MICAL3: variants seen among roughly 807,000 people sequenced by gnomAD.
MICAL3 encodes the protein [F-actin]-monooxygenase MICAL3.
Under a neutral mutation model 207.4 loss-of-function variants are expected in MICAL3, and 62 were observed. That is an observed-to-expected ratio of 0.30 (90% CI 0.24 to 0.37). The LOEUF (loss-of-function observed/expected upper bound fraction) is 0.37, where lower values mean the gene tolerates loss of function less well. Among genes scored for constraint, MICAL3 ranks in the 10% least tolerant of loss-of-function variants. MICAL3 has a pLI of 1.00. For synonymous variants in MICAL3, 1,077 were observed against 1,069.3 expected (o/e 1.01, Z -0.14); for missense variants, 2,368 against 2,635.6 (o/e 0.90, Z 2.22).
chr22:17,857,383 T>C lies in MICAL3; in HGVS notation c.2605+7516A>G, dbSNP rs572050061. Among the ~76,000 whole-genome samples the C allele has an allele frequency of 7.2e-5, 11 of 152,272 alleles. No individual in the cohort carries two copies. The South Asian group carries it at 2.1e-3, about 29-fold the overall frequency. ...TGAGAATCCAACTAAGGCCTGATGA[T>C]CTGAGGTGGAAGAGTTTCATCCCAA... On this transcript the variant is annotated intron_variant, in intron 19 of 31. Coordinates refer to ENST00000441493, the MANE Select transcript of MICAL3 (RefSeq NM_015241.3).
At chr22:17,856,680 GGC>G (rs1925939507) in intron 19 of MICAL3, among the ~76,000 whole-genome samples, 1 of 143,926 alleles carries the variant, frequency 6.9e-6, no homozygotes, top group Non-Finnish European at 1.5e-5. Flanking sequence ...GGACTGCAGT[GGC>G]GCAATCTCGG....
chr22:17,939,128 G>A (rs911422192), intron 1 of MICAL3, among the ~76,000 whole-genome samples: 2 of 152,096 alleles, frequency 1.3e-5, no homozygotes, highest in African/African-American at 4.8e-5. Context: ...AGGAGAAAGT[G>A]ACTTAAGTTG....
rs140976244 is a variant in MICAL3, at chr22:17,892,382, A to G, written c.1547-750T>C. Among the ~76,000 whole-genome samples the G allele has an allele frequency of 4.7e-3, 719 of 152,348 alleles. 6 individuals carry two copies. The highest frequency in any genetic ancestry group is 0.016 in the African/African-American group (675 of 41,576). The stretch of plus-strand genomic sequence containing the variant: ...AGCTCTGATATCGGCCATTCAAAAG[A>G]ATCTATGAACTATTTATATCCAAGA... On this transcript the variant is annotated intron_variant, in intron 11 of 31. Transcript: ENST00000441493.
At chr22:17,942,198 G>C (rs1158076904) in intron 1 of MICAL3, among the ~76,000 whole-genome samples, 1 of 152,212 alleles carries the variant, frequency 6.6e-6, no homozygotes, top group Non-Finnish European at 1.5e-5. Context: ...TTGTATGCTT[G>C]CAGGGAGGCA....
chr22:17,886,343 G>GA (rs1213892049), intron 15 of MICAL3, among the ~76,000 whole-genome samples: 1 of 152,222 alleles, frequency 6.6e-6, no homozygotes, highest in Admixed American at 6.5e-5. Flanking sequence ...GTGTGCTCTG[G>GA]AAAATTAAAC....
rs78785313 is a variant in MICAL3, at chr22:17,866,225, G to T, written c.2429-213C>A. Among the ~76,000 whole-genome samples the T allele has an allele frequency of 3.3e-4, 50 of 152,322 alleles. 1 individual carries two copies. The East Asian group carries it at 8.5e-3, about 26-fold the overall frequency. Reference sequence around the variant, plus strand: ...TCTCCTCTCCCTTGGCCTGAAGGGGGTCTTTTCCTTTGGGAATGTGAAGGC... The same window carrying T: ...TCTCCTCTCCCTTGGCCTGAAGGGGTTCTTTTCCTTTGGGAATGTGAAGGC... On this transcript the variant is annotated intron_variant, in intron 17 of 31. Transcript: ENST00000441493.
chr22:18,015,835 T>C (rs978698116), intron 1 of MICAL3, among the ~76,000 whole-genome samples: 2 of 152,328 alleles, frequency 1.3e-5, no homozygotes, highest in African/African-American at 4.8e-5. Flanking sequence ...ACATGCCTCT[T>C]GATTTAGGCT....
intron 22 of MICAL3, 110 bp downstream of exon 22, chr22:17,827,534 G>C (rs544621807): frequency 8.1e-7 from 1 of 1,232,172 alleles, no homozygotes; most frequent in Non-Finnish European, 1.1e-6. Flanking sequence ...TGGCTCCCGT[G>C]TGTGACCTCA....
At chr22:17,834,405 A>G (rs1923138461) in intron 20 of MICAL3, 2 of 1,283,988 alleles carry the variant, frequency 1.6e-6, no homozygotes, top group African/African-American at 1.5e-5. Context: ...AGGGAACACA[A>G]AGGTGACACA....
intron 1 of MICAL3, among the ~76,000 whole-genome samples, chr22:17,984,072 C>T: frequency 6.6e-6 from 1 of 152,146 alleles, no homozygotes; most frequent in East Asian, 1.9e-4. Context: ...CCAAAAAATC[C>T]AAACCCTCAC....
At chr22:17,890,014 C>T (rs1351189186) in intron 12 of MICAL3, among the ~76,000 whole-genome samples, 1 of 152,166 alleles carries the variant, frequency 6.6e-6, no homozygotes, top group Non-Finnish European at 1.5e-5. Flanking sequence ...TCTTAGCCTT[C>T]TCCTGGAGGG....
Position 17,797,270 on chromosome 22 carries a change from G to A in MICAL3, c.5651-5969C>T, listed in dbSNP as rs2061886401. ...TGATCCCAGCACTTTGGGAGGTGAG[G>A]GTGAGATGACTGCTGAACCCAGGAG... is the stretch of plus-strand genomic sequence containing the variant. On this transcript the variant is annotated intron_variant, in intron 29 of 31. Transcript: ENST00000441493. 2.0e-5 allele frequency among the ~76,000 whole-genome samples: 3 copies of A among 152,286 alleles called. No individual in the cohort carries two copies. The South Asian group carries it at 6.2e-4, about 32-fold the overall frequency.
chr22:17,813,125 A>C lies in MICAL3; in HGVS notation c.5446-2312T>G, dbSNP rs560823087. On this transcript the variant is annotated intron_variant, in intron 27 of 31. Coordinates refer to ENST00000441493, the MANE Select transcript of MICAL3 (RefSeq NM_015241.3). ...CAGCTGCCATTTCTTGATTGTGCCC[A>C]GTAAAGGGAATTGAACTACCATCAG... is the stretch of plus-strand genomic sequence containing the variant. 7 of 152,312 alleles carry C rather than the reference A, an allele frequency of 4.6e-5. No homozygotes were observed. In the South Asian group the frequency reaches 1.4e-3, roughly 32 times the overall value. The allele number at this position is 152,312 out of a possible 1,614,324, so 9.4% of individuals were successfully genotyped here. A position where few individuals can be genotyped will look rare whatever the true frequency, so the allele number is the denominator to read the frequency against.
chr22:17,901,192 CAA>C (rs1931290297), intron 5 of MICAL3, among the ~76,000 whole-genome samples, 195 bp from the exon 6 acceptor site: 1 of 152,144 alleles, frequency 6.6e-6, no homozygotes, highest in South Asian at 2.1e-4. Context: ...GGGAAGAAGT[CAA>C]AGTCTCCATT....
intron 1 of MICAL3, among the ~76,000 whole-genome samples, chr22:17,970,385 C>T (rs1935352421): frequency 2.0e-5 from 3 of 152,172 alleles, no homozygotes; most frequent in Admixed American, 1.3e-4. Flanking sequence ...AGCGGCTGAC[C>T]AGCTGCAGGG....
intron 1 of MICAL3, among the ~76,000 whole-genome samples, chr22:17,992,318 G>A (rs961237017): frequency 4.0e-5 from 6 of 149,842 alleles, no homozygotes; most frequent in African/African-American, 1.5e-4. Context: ...AGCAGACACA[G>A]GGGGTAGGCA....
At chr22:17,984,335 C>T (rs1936056830) in intron 1 of MICAL3, among the ~76,000 whole-genome samples, 1 of 152,248 alleles carries the variant, frequency 6.6e-6, no homozygotes, top group East Asian at 1.9e-4. Flanking sequence ...CAACACTGCG[C>T]TCGACACATA....
In MICAL3 at chr22:17,818,650, G is replaced by A. The variant is rs766921230; in HGVS notation, c.4011C>T (p.Ser1337=). ...FWMKSAEIRR[S]LGLTPVDRSK... ...TGCGGTCCACAGGTGTGAGCCCGAGGCTGCGGCGGATCTCCGCACTCTTCA... is the reference window on the plus strand; with the variant it reads ...TGCGGTCCACAGGTGTGAGCCCGAGACTGCGGCGGATCTCCGCACTCTTCA... Residue 1337 remains serine (S), a synonymous_variant, in exon 26 of 32, where the codon AGC becomes AGT. Transcript: ENST00000441493. 1 of 1,613,660 alleles carries A rather than the reference G, an allele frequency of 6.2e-7. No homozygotes were observed. The highest frequency in any genetic ancestry group is 1.3e-5 in the African/African-American group (1 of 75,072).
At chr22:17,914,352 G>T (rs1416704082) in intron 1 of MICAL3, among the ~76,000 whole-genome samples, 2 of 152,138 alleles carry the variant, frequency 1.3e-5, no homozygotes, top group Non-Finnish European at 1.5e-5. Flanking sequence ...AAGATACTGA[G>T]TCGTTACTAC....
Sources: gnomAD v4.1 joint callset for allele counts (sites outside exome capture counted in the v4.1 genomes callset) on GRCh38, gnomAD v4.1.1 for gene constraint, MANE v1.5 for transcripts, NCBI Gene and HGNC (gene_info 2026-07-23, HGNC 2026-07-21) for gene names.